SOCS1: variants seen among roughly 807,000 people sequenced by gnomAD.
SOCS1 encodes JAK binding protein.
In SOCS1, 3 loss-of-function variants were observed where a neutral mutation model predicts 9.7. That is an observed-to-expected ratio of 0.31 (90% CI 0.14 to 0.80). The LOEUF (loss-of-function observed/expected upper bound fraction) is 0.80, where lower values mean the gene tolerates loss of function less well. SOCS1 is among the 30% of genes least tolerant of loss of function. The pLI is 0.61. For missense variants in SOCS1, 368 were observed against 324.7 expected, an observed-to-expected ratio of 1.13 and a Z score of -1.02; for synonymous variants, 194 against 150.2, an observed-to-expected ratio of 1.29 and a Z score of -2.13.
In SOCS1 at chr16:11,254,583, A is replaced by T; in HGVS notation, c.*260T>A. 2.6e-6 allele frequency: 1 copy of T among 385,240 alleles called. No individual in the cohort carries two copies. The highest frequency in any genetic ancestry group is 4.5e-6 in the Non-Finnish European group (1 of 220,400). 23.9% of individuals were successfully genotyped at this position (385,240 alleles called of 1,614,324 possible). A position where few individuals can be genotyped will look rare whatever the true frequency, so the allele number is the denominator to read the frequency against. On this transcript the variant is annotated 3_prime_UTR_variant, in exon 2 of 2. Transcript: ENST00000332029. Reference sequence around the variant, plus strand: ...ATGAAGAGGTAGGAGGTGCGAGTTCAGGTCCTGGCTCCAGATACAGTTAAG... The same window carrying T: ...ATGAAGAGGTAGGAGGTGCGAGTTCTGGTCCTGGCTCCAGATACAGTTAAG...
Position 11,255,433 on chromosome 16 carries a change from C to G in SOCS1, c.46G>C (p.Ala16Pro), listed in dbSNP as rs537872317. ...QVAADNAVST[A>P]AEPRRRPEPS... is the part of the protein sequence containing the mutation. Reference sequence around the variant, plus strand: ...TCTGGCCGCCGTCGGGGCTCTGCTGCTGTGGAGACTGCATTGTCGGCTGCC... The same window carrying G: ...TCTGGCCGCCGTCGGGGCTCTGCTGGTGTGGAGACTGCATTGTCGGCTGCC... Residue 16 changes from alanine to proline, a missense_variant, in exon 2 of 2, where the codon GCA (alanine) becomes CCA (proline). By Grantham distance (27) the Ala-to-Pro change is conservative. Coordinates refer to ENST00000332029, the MANE Select transcript of SOCS1 (RefSeq NM_003745.2). 7.6e-6 allele frequency: 10 copies of G among 1,317,840 alleles called. No individual in the cohort carries two copies. The African/African-American group carries it at 1.1e-4, about 14-fold the overall frequency. The allele number at this position is 1,317,840 out of a possible 1,614,324, so 81.6% of individuals were successfully genotyped here. A position where few individuals can be genotyped will look rare whatever the true frequency, so the allele number is the denominator to read the frequency against.
chr16:11,256,091 C>G lies in SOCS1; in HGVS notation c.-63G>C, dbSNP rs2069600030. On this transcript the variant is annotated 5_prime_UTR_variant, in exon 1 of 2. Transcript: ENST00000332029. Reference sequence around the variant, plus strand: ...GGGCCCGGCTCACCTGGCGGCGGGGCGCGGGACGCCGCGGGCGGGACGGCG... The same window carrying G: ...GGGCCCGGCTCACCTGGCGGCGGGGGGCGGGACGCCGCGGGCGGGACGGCG... The G allele has an allele frequency of 6.6e-6, 1 of 151,258 alleles. No homozygotes were observed. The highest frequency in any genetic ancestry group is 1.5e-5 in the Non-Finnish European group (1 of 67,708). 9.4% of individuals were successfully genotyped at this position (151,258 alleles called of 1,614,324 possible).
At position 11,255,383 on chromosome 16, in the gene SOCS1, CGAGGAG is replaced by C. The variant is rs1489186405; in HGVS notation, c.90_95del (p.Ser31_Ser32del). On this transcript the variant is annotated inframe_deletion, in exon 2 of 2. Coordinates refer to ENST00000332029, the MANE Select transcript of SOCS1 (RefSeq NM_003745.2). ...GCCGCGGGCGCGCGGGGGCCGCGGG[CGAGGAG>C]GAGGAAGAGGAGGAAGGTTCTGGCC... is the stretch of plus-strand genomic sequence containing the variant. The C allele has an allele frequency of 3.7e-6, 5 of 1,337,570 alleles. No homozygotes were observed. Among genetic ancestry groups the C allele is most frequent in the Non-Finnish European group, 4.8e-6 (5 of 1,050,872 alleles). The allele number at this position is 1,337,570 out of a possible 1,614,324, so 82.9% of individuals were successfully genotyped here. A position where few individuals can be genotyped will look rare whatever the true frequency, so the allele number is the denominator to read the frequency against.
At chr16:11,256,050 C>T (rs2069599275) in intron 1 of SOCS1, 29 bp downstream of exon 1, 1 of 151,708 alleles carries the variant, frequency 6.6e-6, no homozygotes, top group Non-Finnish European at 1.5e-5. Flanking sequence ...CCTCCTCCCT[C>T]CCGCCTCCTC....
chr16:11,254,971 G>A lies in SOCS1; in HGVS notation c.508C>T (p.Arg170Cys), dbSNP rs1389409892. The part of the protein sequence containing the change: ...RMLGAPLRQR[R>C]VRPLQELCRQ... ...CACAGCTCCTGCAGCGGCCGCACGC[G>A]GCGCTGGCGCAGCGGGGCCCCCAGC... The change falls in exon 2 of 2, where the codon CGC (arginine) becomes TGC (cysteine). Residue 170 changes from arginine to cysteine, a missense_variant. Transcript: ENST00000332029. 1 of 1,521,488 alleles carries A rather than the reference G, an allele frequency of 6.6e-7. No homozygotes were observed. 94.2% of individuals were successfully genotyped at this position (1,521,488 alleles called of 1,614,324 possible). A position where few individuals can be genotyped will look rare whatever the true frequency, so the allele number is the denominator to read the frequency against.
rs1362638569 is a variant in SOCS1, at chr16:11,255,005, C to A, written c.474G>T (p.Pro158=). The change falls in exon 2 of 2, where the codon CCG becomes CCT. Residue 158 remains proline, a synonymous_variant. Coordinates refer to ENST00000332029, the MANE Select transcript of SOCS1 (RefSeq NM_003745.2). The part of the protein sequence containing the change: ...FELLEHYVAA[P]RRMLGAPLRQ... The stretch of plus-strand genomic sequence containing the variant: ...GCAGCGGGGCCCCCAGCATGCGGCG[C>A]GGCGCCGCCACGTAGTGCTCCAGCA... 6.3e-7 allele frequency: 1 copy of A among 1,575,622 alleles called. No homozygotes were observed. The highest frequency in any genetic ancestry group is 8.6e-7 in the Non-Finnish European group (1 of 1,164,472).
At position 11,254,849 on chromosome 16, in the gene SOCS1, C is replaced by A; in HGVS notation, c.630G>T (p.Gln210His). The change falls in exon 2 of 2, where the codon CAG becomes CAT. Residue 210 changes from glutamine to histidine, a missense_variant. Physicochemically the swap from Gln to His is conservative, Grantham distance 24. Coordinates refer to ENST00000332029, the MANE Select transcript of SOCS1 (RefSeq NM_003745.2). ...GCACGGCGGGCGCTGCCGGTCAAAT[C>A]TGGAAGGGGAAGGAGCTCAGGTAGT... ...LRDYLSSFPF[Q>H]I is the part of the protein sequence containing the mutation. 6.8e-7 allele frequency: 1 copy of A among 1,478,234 alleles called. No homozygotes were observed. Among genetic ancestry groups the A allele is most frequent in the South Asian group, 1.4e-5 (1 of 69,734 alleles). The allele number at this position is 1,478,234 out of a possible 1,614,324, so 91.6% of individuals were successfully genotyped here.
rs2141125386 is a variant in SOCS1 at position 11,255,390 on chromosome 16, G to A, written c.89C>T (p.Ser30Phe). The change falls in exon 2 of 2, where the codon TCC (serine) becomes TTC (phenylalanine). Residue 30 changes from serine (S) to phenylalanine (F), a missense_variant. Physicochemically the swap from Ser to Phe is radical, Grantham distance 155 (BLOSUM62 -2). Coordinates refer to ENST00000332029, the MANE Select transcript of SOCS1 (RefSeq NM_003745.2). ...RRRPEPSSSS[S>F]SSPAAPARPR... ...GCGCGCGGGGGCCGCGGGCGAGGAG[G>A]AGGAAGAGGAGGAAGGTTCTGGCCG... 2.2e-6 allele frequency: 3 copies of A among 1,337,558 alleles called. No individual in the cohort carries two copies. Among genetic ancestry groups the A allele is most frequent in the Non-Finnish European group, 2.9e-6 (3 of 1,050,928 alleles). 82.9% of individuals were successfully genotyped at this position (1,337,558 alleles called of 1,614,324 possible).
chr16:11,255,044 G>A lies in SOCS1; in HGVS notation c.435C>T (p.Asp145=), dbSNP rs762262214. 1.9e-6 allele frequency: 3 copies of A among 1,607,500 alleles called. No individual in the cohort carries two copies. In the South Asian group the frequency reaches 3.3e-5, roughly 18 times the overall value. Residue 145 remains aspartate, a synonymous_variant, in exon 2 of 2, where the codon GAC becomes GAT. Coordinates refer to ENST00000332029, the MANE Select transcript of SOCS1 (RefSeq NM_003745.2). ...AGTGCTCCAGCAGCTCGAAGAGGCA[G>A]TCGAAGCTCTCGCGGCTGCCATCCA... ...FHLDGSRESF[D]CLFELLEHYV...
Position 11,254,896 on chromosome 16 carries a change from G to C in SOCS1, c.583C>G (p.Pro195Ala), listed in dbSNP as rs756497383. The change falls in exon 2 of 2, where the codon CCC (proline) becomes GCC (alanine). Residue 195 changes from proline (P) to alanine (A), a missense_variant. Coordinates refer to ENST00000332029, the MANE Select transcript of SOCS1 (RefSeq NM_003745.2). ...TVGRENLARI[P>A]LNPVLRDYLS... is the part of the protein sequence containing the mutation. ...TAGTCGCGGAGGACGGGGTTGAGGG[G>C]GATGCGAGCCAGGTTCTCGCGGCCC... is the stretch of plus-strand genomic sequence containing the variant. 3.3e-6 allele frequency: 5 copies of C among 1,501,372 alleles called. No individual in the cohort carries two copies. In the African/African-American group the frequency reaches 7.3e-5, roughly 22 times the overall value. The allele number at this position is 1,501,372 out of a possible 1,614,324, so 93.0% of individuals were successfully genotyped here. A position where few individuals can be genotyped will look rare whatever the true frequency, so the allele number is the denominator to read the frequency against.
rs1425894801 is a variant in SOCS1, at chr16:11,255,371, G to A, written c.108C>T (p.Pro36=). 5 of 1,338,414 alleles carry A rather than the reference G, an allele frequency of 3.7e-6. No individual in the cohort carries two copies. The highest frequency in any genetic ancestry group is 6.1e-5 in the East Asian group (2 of 32,692). The allele number at this position is 1,338,414 out of a possible 1,614,324, so 82.9% of individuals were successfully genotyped here. A position where few individuals can be genotyped will look rare whatever the true frequency, so the allele number is the denominator to read the frequency against. The part of the protein sequence containing the change: ...SSSSSSSPAA[P]ARPRPCPAVP... ...CCGCGGGGCACGGCCGCGGGCGCGC[G>A]GGGGCCGCGGGCGAGGAGGAGGAAG... is the stretch of plus-strand genomic sequence containing the variant. Residue 36 remains proline (P), a synonymous_variant, in exon 2 of 2, where the codon CCC becomes CCT. Coordinates refer to ENST00000332029, the MANE Select transcript of SOCS1 (RefSeq NM_003745.2).
At position 11,254,865 on chromosome 16, in the gene SOCS1, C is replaced by A; in HGVS notation, c.614G>T (p.Ser205Ile). ...PLNPVLRDYL[S>I]SFPFQI ...CGGTCAAATCTGGAAGGGGAAGGAG[C>A]TCAGGTAGTCGCGGAGGACGGGGTT... The change falls in exon 2 of 2, where the codon AGC becomes ATC. Residue 205 changes from serine to isoleucine, a missense_variant. Physicochemically the swap from Ser to Ile is moderately radical, Grantham distance 142. Coordinates refer to ENST00000332029, the MANE Select transcript of SOCS1 (RefSeq NM_003745.2). The A allele has an allele frequency of 6.7e-7, 1 of 1,490,274 alleles. No homozygotes were observed. Among genetic ancestry groups the A allele is most frequent in the South Asian group, 1.4e-5 (1 of 71,520 alleles). The allele number at this position is 1,490,274 out of a possible 1,614,324, so 92.3% of individuals were successfully genotyped here. A position where few individuals can be genotyped will look rare whatever the true frequency, so the allele number is the denominator to read the frequency against.
chr16:11,254,820 G>A lies in SOCS1; in HGVS notation c.*23C>T, dbSNP rs1404642989. 3.4e-6 allele frequency: 5 copies of A among 1,463,472 alleles called. No individual in the cohort carries two copies. The highest frequency in any genetic ancestry group is 4.5e-6 in the Non-Finnish European group (5 of 1,114,522). 90.7% of individuals were successfully genotyped at this position (1,463,472 alleles called of 1,614,324 possible). A position where few individuals can be genotyped will look rare whatever the true frequency, so the allele number is the denominator to read the frequency against. Reference sequence around the variant, plus strand: ...ATAACACGGCATCCCAGTTAATGCTGCGTGCACGGCGGGCGCTGCCGGTCA... The same window carrying A: ...ATAACACGGCATCCCAGTTAATGCTACGTGCACGGCGGGCGCTGCCGGTCA... On this transcript the variant is annotated 3_prime_UTR_variant, in exon 2 of 2. Coordinates refer to ENST00000332029, the MANE Select transcript of SOCS1 (RefSeq NM_003745.2).
chr16:11,256,019 T>C (rs1370273042), intron 1 of SOCS1, 60 bp downstream of exon 1: 2 of 151,462 alleles, frequency 1.3e-5, no homozygotes, highest in African/African-American at 4.8e-5. Flanking sequence ...GCCCGACTCC[T>C]GGCTGCCCTG....
In SOCS1 at chr16:11,255,447, T is replaced by C. The variant is rs772431210; in HGVS notation, c.32A>G (p.Asn11Ser). The change falls in exon 2 of 2, where the codon AAT (asparagine) becomes AGT (serine). Residue 11 changes from asparagine to serine, a missense_variant. By Grantham distance (46) the Asn-to-Ser change is conservative. Transcript: ENST00000332029. ...GGGCTCTGCTGCTGTGGAGACTGCATTGTCGGCTGCCACCTGGTTGTGTGC... is the reference window on the plus strand; with the variant it reads ...GGGCTCTGCTGCTGTGGAGACTGCACTGTCGGCTGCCACCTGGTTGTGTGC... MVAHNQVAAD[N>S]AVSTAAEPRR... 1.6e-5 allele frequency: 21 copies of C among 1,300,346 alleles called. No homozygotes were observed. The African/African-American group carries it at 2.8e-4, about 17-fold the overall frequency. 80.6% of individuals were successfully genotyped at this position (1,300,346 alleles called of 1,614,324 possible).
Position 11,254,736 on chromosome 16 carries a change from G to A in SOCS1, c.*107C>T, listed in dbSNP as rs964236927. The A allele has an allele frequency of 1.5e-6, 2 of 1,354,106 alleles. No homozygotes were observed. Among genetic ancestry groups the A allele is most frequent in the Non-Finnish European group, 9.5e-7 (1 of 1,050,958 alleles). 83.9% of individuals were successfully genotyped at this position (1,354,106 alleles called of 1,614,324 possible). On this transcript the variant is annotated 3_prime_UTR_variant, in exon 2 of 2. Transcript: ENST00000332029. ...AGGCGCCTCGCCCCTACACCCATCC[G>A]CTCCCTCCAACCCAGGCCGGGGAGG... is the stretch of plus-strand genomic sequence containing the variant.
chr16:11,255,208 C>G lies in SOCS1; in HGVS notation c.271G>C (p.Glu91Gln). 1.3e-6 allele frequency: 2 copies of G among 1,577,518 alleles called. No individual in the cohort carries two copies. The highest frequency in any genetic ancestry group is 1.7e-6 in the Non-Finnish European group (2 of 1,168,120). ...WGPLSVHGAH[E>Q]RLRAEPVGTF... ...CCCACGGGCTCGGCGCGCAGCCGCT[C>G]GTGCGCCCCGTGCACGCTCAGGGGC... Residue 91 changes from glutamate to glutamine, a missense_variant, in exon 2 of 2, where the codon GAG becomes CAG. Transcript: ENST00000332029.
At position 11,255,633 on chromosome 16, in the gene SOCS1, G is replaced by A. The variant is rs991619287; in HGVS notation, c.-50-105C>T. ...GCGCTCCCGGCGGACCCGGCCCTAG[G>A]GGGCGAGCACGGAGCACCAAGTCCG... On this transcript the variant is annotated intron_variant, in intron 1 of 1. Transcript: ENST00000332029. 4 of 410,786 alleles carry A rather than the reference G, an allele frequency of 9.7e-6. No homozygotes were observed. In the South Asian group the frequency reaches 5.2e-4, roughly 54 times the overall value. 25.4% of individuals were successfully genotyped at this position (410,786 alleles called of 1,614,324 possible).
In SOCS1 at chr16:11,255,051, C is replaced by G. The variant is rs2069579724; in HGVS notation, c.428G>C (p.Ser143Thr). Reference sequence around the variant, plus strand: ...CAGCAGCTCGAAGAGGCAGTCGAAGCTCTCGCGGCTGCCATCCAGGTGAAA... The same window carrying G: ...CAGCAGCTCGAAGAGGCAGTCGAAGGTCTCGCGGCTGCCATCCAGGTGAAA... ...GRFHLDGSRE[S>T]FDCLFELLEH... The change falls in exon 2 of 2, where the codon AGC becomes ACC. Residue 143 changes from serine (S) to threonine (T), a missense_variant. By Grantham distance (58) the Ser-to-Thr change is moderately conservative. Transcript: ENST00000332029. 22 of 1,607,926 alleles carry G rather than the reference C, an allele frequency of 1.4e-5. No individual in the cohort carries two copies. The highest frequency in any genetic ancestry group is 1.7e-5 in the Non-Finnish European group (20 of 1,178,028).
Sources: allele counts gnomAD v4.1 joint callset, GRCh38; gene constraint gnomAD v4.1.1; transcripts MANE v1.5; gene names NCBI Gene and HGNC (gene_info 2026-07-23, HGNC 2026-07-21).